PCNX1: variants seen among roughly 807,000 people sequenced by gnomAD.
PCNX1 encodes pecanex-like protein 1.
Under a neutral mutation model 242.2 loss-of-function variants are expected in PCNX1, and 78 were observed. That is an observed-to-expected ratio of 0.32 (90% CI 0.27 to 0.39). PCNX1 has a LOEUF of 0.39. PCNX1 is among the 10% of genes least tolerant of loss of function. The probability of loss-of-function intolerance (pLI) is 1.00; values close to 1 mark genes in which losing one functional copy is unlikely to be tolerated. For synonymous variants in PCNX1, 1,024 were observed against 1,032.9 expected (o/e 0.99, Z 0.17); for missense variants, 2,581 against 2,856.5 (o/e 0.90, Z 2.20).
chr14:71,098,549 TGTGTGA>T (rs1280852202), intron 30 of PCNX1, among the ~76,000 whole-genome samples: 287 of 128,070 alleles, frequency 2.2e-3, no homozygotes, highest in African/African-American at 7.9e-3. Context: ...TGTGTGTGTG[TGTGTGA>T]GAGAGAGAGA....
chr14:71,064,430 T>G (rs899856198), intron 26 of PCNX1, among the ~76,000 whole-genome samples: 1 of 152,154 alleles, frequency 6.6e-6, no homozygotes, highest in African/African-American at 2.4e-5. Context: ...AGGACCTCAG[T>G]TGGGTAAATG....
chr14:71,011,085 T>C (rs1009999030), intron 9 of PCNX1, among the ~76,000 whole-genome samples: 8 of 152,160 alleles, frequency 5.3e-5, no homozygotes, highest in Admixed American at 1.3e-4. Context: ...AATCCAAACA[T>C]GACTGAACTG....
rs186822846 is a variant in PCNX1 at position 70,940,431 on chromosome 14, C to A, written c.154-6484C>A. ...GAAATTCTGGGTTGAAAATTCTTTT[C>A]TTTAAGAATGTTGAATATTGGCCCC... On this transcript the variant is annotated intron_variant, in intron 1 of 35. Coordinates refer to ENST00000304743, the MANE Select transcript of PCNX1 (RefSeq NM_014982.3). Among the ~76,000 whole-genome samples, 178 of 152,334 alleles carry A rather than the reference C, an allele frequency of 1.2e-3. 2 individuals carry two copies. In the Middle Eastern group the frequency reaches 0.024, roughly 20 times the overall value.
At chr14:70,938,896 G>C (rs2057119139) in intron 1 of PCNX1, among the ~76,000 whole-genome samples, 1 of 152,162 alleles carries the variant, frequency 6.6e-6, no homozygotes, top group Non-Finnish European at 1.5e-5. Flanking sequence ...ATTTCTTCTA[G>C]ATTCTCTAGC....
chr14:70,951,035 G>A (rs1398079667), intron 2 of PCNX1, among the ~76,000 whole-genome samples: 1 of 151,750 alleles, frequency 6.6e-6, no homozygotes, highest in Non-Finnish European at 1.5e-5. Context: ...TAAGATCTTT[G>A]TATCTACTTT....
In PCNX1 at chr14:71,111,666, A is replaced by G. The variant is rs2062755797; in HGVS notation, c.*1731A>G. 1 of 152,178 alleles carries G rather than the reference A, an allele frequency of 6.6e-6. No individual in the cohort carries two copies. Among genetic ancestry groups the G allele is most frequent in the African/African-American group, 2.4e-5 (1 of 41,462 alleles). The allele number at this position is 152,178 out of a possible 1,614,324, so 9.4% of individuals were successfully genotyped here. ...AGGAATGAAAACTAAGAAAGTAAAT[A>G]GTGAACATACAGAACTTACTGCATT... On this transcript the variant is annotated 3_prime_UTR_variant, in exon 36 of 36. Transcript: ENST00000304743.
intron 28 of PCNX1, among the ~76,000 whole-genome samples, chr14:71,080,986 T>C (rs1357704892): frequency 3.3e-5 from 5 of 152,234 alleles, no homozygotes; most frequent in Admixed American, 2.0e-4. Context: ...GCTCATTCAG[T>C]ATGATATTAG....
intron 28 of PCNX1, among the ~76,000 whole-genome samples, chr14:71,083,611 T>C (rs1337114770): frequency 1.3e-5 from 2 of 152,102 alleles, no homozygotes; most frequent in Admixed American, 1.3e-4. Context: ...ATCTTCAATC[T>C]CTGATATCCT....
intron 5 of PCNX1, among the ~76,000 whole-genome samples, chr14:70,971,436 G>A (rs2058539459): frequency 7.5e-5 from 1 of 13,388 alleles, no homozygotes; most frequent in Non-Finnish European, 1.9e-4. Context: ...GAGCCACCGC[G>A]CCCGGCCTAT....
chr14:70,913,463 T>C (rs1270407950), intron 1 of PCNX1, among the ~76,000 whole-genome samples: 1 of 152,182 alleles, frequency 6.6e-6, no homozygotes. Flanking sequence ...CGTATGGCTT[T>C]TTGTGCATAC....
intron 30 of PCNX1, chr14:71,093,022 C>T (rs2062176598): frequency 6.6e-6 from 1 of 152,160 alleles, no homozygotes; most frequent in African/African-American, 2.4e-5. Flanking sequence ...CTGCTTGCCT[C>T]CAGATAACAT....
chr14:70,967,764 T>C (rs907164194), intron 3 of PCNX1, among the ~76,000 whole-genome samples: 3 of 152,244 alleles, frequency 2.0e-5, no homozygotes, highest in African/African-American at 7.2e-5. Context: ...CACTTTGTAG[T>C]GTATGTTAAT....
chr14:70,943,705 C>T (rs1385550073), intron 1 of PCNX1, among the ~76,000 whole-genome samples: 1 of 152,182 alleles, frequency 6.6e-6, no homozygotes, highest in African/African-American at 2.4e-5. Flanking sequence ...GAAAATGTCT[C>T]CAGCGCATGT....
chr14:71,069,287 A>G (rs1045077331), intron 26 of PCNX1, among the ~76,000 whole-genome samples: 3 of 152,210 alleles, frequency 2.0e-5, no homozygotes, highest in Admixed American at 2.0e-4. Flanking sequence ...CAGCCAAACC[A>G]TATCAGTATC....
Position 71,088,489 on chromosome 14 carries a change from T to C in PCNX1, c.5438+59T>C, listed in dbSNP as rs1455350199. On this transcript the variant is annotated intron_variant, in intron 29 of 35. Transcript: ENST00000304743. ...CATGGGAAGCTGTATAGCCTAAATC[T>C]AAAATGATTTTTCATGGACGCATGT... The C allele has an allele frequency of 8.0e-6, 8 of 994,476 alleles. No homozygotes were observed. In the African/African-American group the frequency reaches 1.3e-4, roughly 16 times the overall value. The allele number at this position is 994,476 out of a possible 1,614,324, so 61.6% of individuals were successfully genotyped here.
chr14:70,962,273 C>G lies in PCNX1; in HGVS notation c.410C>G (p.Thr137Arg), dbSNP rs1300212280. The change falls in exon 3 of 36, where the codon ACA becomes AGA. Residue 137 changes from threonine to arginine, a missense_variant. By Grantham distance (71) the Thr-to-Arg change is moderately conservative. Transcript: ENST00000304743. ...IEMSEFIREATPPVGCSSRNS... is the reference protein window; with the variant it reads ...IEMSEFIREARPPVGCSSRNS... ...ATGTCTGAGTTCATCCGAGAGGCCACACCCCCAGTTGGTTGCAGTTCCAGA... is the reference window on the plus strand; with the variant it reads ...ATGTCTGAGTTCATCCGAGAGGCCAGACCCCCAGTTGGTTGCAGTTCCAGA... 8.7e-6 allele frequency: 14 copies of G among 1,613,634 alleles called. No homozygotes were observed. The highest frequency in any genetic ancestry group is 1.2e-5 in the Non-Finnish European group (14 of 1,179,608).
At chr14:70,965,429 C>G (rs147162849) in intron 3 of PCNX1, 1 of 151,974 alleles carries the variant, frequency 6.6e-6, no homozygotes, top group South Asian at 2.1e-4. Context: ...TTTGGGAGGC[C>G]GAGGTAGGTG....
At chr14:70,992,619 T>C (rs2059201809) in intron 7 of PCNX1, among the ~76,000 whole-genome samples, 1 of 152,178 alleles carries the variant, frequency 6.6e-6, no homozygotes, top group Non-Finnish European at 1.5e-5. Flanking sequence ...GACCAACTAT[T>C]TTTCAGTCAT....
At chr14:70,994,857 T>C (rs532377359) in intron 7 of PCNX1, among the ~76,000 whole-genome samples, 21 of 138,174 alleles carry the variant, frequency 1.5e-4, no homozygotes, top group Non-Finnish European at 3.1e-4. Context: ...ATAATTTGTA[T>C]TAAAATTTCT....
Sources: allele counts gnomAD v4.1 joint callset (sites outside exome capture counted in the v4.1 genomes callset), GRCh38; gene constraint gnomAD v4.1.1; transcripts MANE v1.5; gene names NCBI Gene and HGNC (gene_info 2026-07-23, HGNC 2026-07-21).